Variants in VPS13B observed in about 807,000 individuals in gnomAD.
VPS13B encodes intermembrane lipid transfer protein VPS13B.
VPS13B carries 285 observed loss-of-function variants against 426.4 expected under a neutral mutation model. The ratio of observed to expected loss-of-function variants is 0.67; its 90% CI spans 0.61 to 0.74. The LOEUF (loss-of-function observed/expected upper bound fraction) is 0.74. Among genes scored for constraint, VPS13B ranks in the 30% least tolerant of loss-of-function variants. The pLI, the probability that VPS13B is intolerant of heterozygous loss-of-function variation, is 0.00. For missense variants in VPS13B, 4,537 were observed against 4,782.6 expected (o/e 0.95, Z 1.51); for synonymous variants, 1,676 against 1,676.4 (o/e 1.00, Z 0.01).
chr8:99,354,002 TTAACAAAA>T (rs1276309642), intron 19 of VPS13B, among the ~76,000 whole-genome samples: 3 of 152,096 alleles, frequency 2.0e-5, no homozygotes, highest in African/African-American at 7.2e-5. Flanking sequence ...AGATCCATGA[TTAACAAAA>T]TAACTTGTTG....
At chr8:99,341,084 TA>T in intron 19 of VPS13B, 1 of 276,190 alleles carries the variant, frequency 3.6e-6, no homozygotes, top group Non-Finnish European at 7.1e-6. Flanking sequence ...AGGTTATTCT[TA>T]ACCCATCCAC....
At chr8:99,027,728 T>C (rs1842212132) in intron 2 of VPS13B, among the ~76,000 whole-genome samples, 1 of 151,004 alleles carries the variant, frequency 6.6e-6, no homozygotes, top group Non-Finnish European at 1.5e-5. Flanking sequence ...GTTTTTTTTA[T>C]TTTTTTATTT....
chr8:99,501,891 C>G (rs768993309), intron 26 of VPS13B, 33 bp downstream of exon 26: 1 of 1,597,416 alleles, frequency 6.3e-7, no homozygotes, highest in Non-Finnish European at 8.5e-7. Flanking sequence ...TCCCTCCCTC[C>G]CTCTGTCCCT....
intron 33 of VPS13B, among the ~76,000 whole-genome samples, chr8:99,629,280 T>A (rs953853516): frequency 3.9e-5 from 6 of 152,188 alleles, no homozygotes; most frequent in African/African-American, 1.4e-4. Context: ...TATCAGGGAA[T>A]CAACTAATTA....
chr8:99,443,061 C>T (rs1416284329), intron 23 of VPS13B, among the ~76,000 whole-genome samples: 1 of 151,968 alleles, frequency 6.6e-6, no homozygotes, highest in Non-Finnish European at 1.5e-5. Context: ...TTAGATTCCT[C>T]ATTTGTTTAT....
intron 17 of VPS13B, among the ~76,000 whole-genome samples, chr8:99,210,316 A>T (rs917077362): frequency 2.6e-5 from 4 of 152,168 alleles, no homozygotes; most frequent in African/African-American, 9.7e-5. Flanking sequence ...CTTGTGGCAT[A>T]CAGTTCTTTT....
At chr8:99,392,334 T>C (rs1204986141) in intron 21 of VPS13B, among the ~76,000 whole-genome samples, 7 of 152,088 alleles carry the variant, frequency 4.6e-5, no homozygotes, top group Admixed American at 4.6e-4. Flanking sequence ...GAATTTTACA[T>C]ATATAATTCA....
intron 29 of VPS13B, among the ~76,000 whole-genome samples, chr8:99,512,702 G>A (rs1288488101): frequency 6.6e-6 from 1 of 152,192 alleles, no homozygotes; most frequent in South Asian, 2.1e-4. Flanking sequence ...ATTTGGGGTA[G>A]GTCATTACAT....
At chr8:99,109,362 T>G (rs1847233200) in intron 5 of VPS13B, among the ~76,000 whole-genome samples, 1 of 151,978 alleles carries the variant, frequency 6.6e-6, no homozygotes, top group South Asian at 2.1e-4. Flanking sequence ...TCCTTGAAAT[T>G]TGAATACTTC....
chr8:99,053,536 A>G (rs1268060706), intron 3 of VPS13B, among the ~76,000 whole-genome samples: 1 of 151,960 alleles, frequency 6.6e-6, no homozygotes, highest in Non-Finnish European at 1.5e-5. Context: ...TTCTGTTTCT[A>G]TGATTTTGAG....
At chr8:99,180,773 A>G (rs1268746642) in intron 16 of VPS13B, among the ~76,000 whole-genome samples, 1 of 152,214 alleles carries the variant, frequency 6.6e-6, no homozygotes, top group Non-Finnish European at 1.5e-5. Flanking sequence ...GATAGATAAG[A>G]GATTAAATTG....
chr8:99,024,731 T>C (rs1842052784), intron 2 of VPS13B, among the ~76,000 whole-genome samples: 1 of 152,246 alleles, frequency 6.6e-6, no homozygotes, highest in Admixed American at 6.5e-5. Flanking sequence ...AAGTCAGAAA[T>C]TGTGATGCTT....
At position 99,021,489 on chromosome 8, in the gene VPS13B, C is replaced by T. The variant is rs1006851763; in HGVS notation, c.147+7554C>T. Among the ~76,000 whole-genome samples the T allele has an allele frequency of 1.3e-4, 20 of 151,882 alleles. 1 individual carries two copies. Among genetic ancestry groups the T allele is most frequent in the Admixed American group, 3.3e-4 (5 of 15,266 alleles). The stretch of plus-strand genomic sequence containing the variant: ...TACAAAAATTAGCTGGGTGTGGTGG[C>T]GGGCGCCTGTAATCCCAGCTACTCA... On this transcript the variant is annotated intron_variant, in intron 2 of 61. Transcript: ENST00000357162.
chr8:99,424,860 G>T (rs552619313), intron 21 of VPS13B, among the ~76,000 whole-genome samples: 2 of 151,844 alleles, frequency 1.3e-5, no homozygotes, highest in Non-Finnish European at 2.9e-5. Context: ...TCAAATAGAC[G>T]CAATAAAAAA....
At chr8:99,054,915 G>C (rs1843752120) in intron 3 of VPS13B, among the ~76,000 whole-genome samples, 1 of 152,046 alleles carries the variant, frequency 6.6e-6, no homozygotes, top group African/African-American at 2.4e-5. Context: ...TTTATTTCTG[G>C]ACTCAGCATT....
chr8:99,159,370 G>A (rs1811523107), intron 15 of VPS13B, among the ~76,000 whole-genome samples: 1 of 152,174 alleles, frequency 6.6e-6, no homozygotes, highest in Admixed American at 6.5e-5. Flanking sequence ...TAAAGCAATG[G>A]CATGGTTTGA....
At chr8:99,522,343 T>A (rs1822415224) in intron 30 of VPS13B, among the ~76,000 whole-genome samples, 1 of 152,210 alleles carries the variant, frequency 6.6e-6, no homozygotes, top group Non-Finnish European at 1.5e-5. Context: ...TATTAAGAGA[T>A]CCTATCACCA....
At chr8:99,336,106 T>A (rs916784348) in intron 19 of VPS13B, among the ~76,000 whole-genome samples, 5 of 152,120 alleles carry the variant, frequency 3.3e-5, no homozygotes, top group Non-Finnish European at 2.9e-5. Context: ...CTACCTGACT[T>A]CAAACTATAC....
intron 17 of VPS13B, among the ~76,000 whole-genome samples, chr8:99,240,306 G>A (rs1295350578): frequency 1.3e-5 from 2 of 152,134 alleles, no homozygotes; most frequent in Admixed American, 6.5e-5. Flanking sequence ...ATTGTACAGT[G>A]ATCATGATCA....
Sources: allele counts gnomAD v4.1 joint callset (sites outside exome capture counted in the v4.1 genomes callset), GRCh38; gene constraint gnomAD v4.1.1; transcripts MANE v1.5; gene names NCBI Gene and HGNC (gene_info 2026-07-23, HGNC 2026-07-21).